TOGARAM2: variants seen among roughly 807,000 people sequenced by gnomAD.
The protein encoded by TOGARAM2 is TOG array regulator of axonemal microtubules 2.
A neutral mutation model predicts 93.3 loss-of-function variants in TOGARAM2; 85 were observed. The ratio of observed to expected loss-of-function variants is 0.91; its 90% CI spans 0.76 to 1.09. The LOEUF (loss-of-function observed/expected upper bound fraction) is 1.09. Ranked by LOEUF, TOGARAM2 falls within the 50% of genes least tolerant of loss-of-function variation. The pLI is 0.00. For synonymous variants in TOGARAM2, 593 were observed against 552.8 expected, an observed-to-expected ratio of 1.07 and a Z score of -1.02; for missense variants, 1,277 against 1,334.5, an observed-to-expected ratio of 0.96 and a Z score of 0.67.
chr2:29,049,677 C>G (rs1369694504), intron 19 of TOGARAM2: 2 of 152,240 alleles, frequency 1.3e-5, no homozygotes, highest in African/African-American at 2.4e-5. Flanking sequence ...ACTCTCAACT[C>G]TTTCCAACCA....
intron 1 of TOGARAM2, among the ~76,000 whole-genome samples, chr2:28,975,874 C>A (rs181684836): frequency 2.1e-3 from 325 of 152,204 alleles, no homozygotes; most frequent in Non-Finnish European, 1.9e-3. Flanking sequence ...CACCCCTATG[C>A]CTTTCCTCAT....
In TOGARAM2 at chr2:29,036,640, A is replaced by C; in HGVS notation, c.2518A>C (p.Ser840Arg). 1 of 1,613,896 alleles carries C rather than the reference A, an allele frequency of 6.2e-7. No individual in the cohort carries two copies. Among genetic ancestry groups the C allele is most frequent in the Non-Finnish European group, 8.5e-7 (1 of 1,179,874 alleles). ...FAKMIPLLRESLHPMLLSIII... is the reference protein window; with the variant it reads ...FAKMIPLLRERLHPMLLSIII... ...CAAGATGATCCCCCTCCTCAGAGAGAGCTTACACCCCATGCTGCTCTCCAT... is the reference window on the plus strand; with the variant it reads ...CAAGATGATCCCCCTCCTCAGAGAGCGCTTACACCCCATGCTGCTCTCCAT... The change falls in exon 18 of 20, where the codon AGC (serine) becomes CGC (arginine). Residue 840 changes from serine (S) to arginine (R), a missense_variant. Transcript: ENST00000379558.
intron 6 of TOGARAM2, among the ~76,000 whole-genome samples, chr2:29,004,479 C>T (rs954524778): frequency 1.3e-5 from 2 of 152,164 alleles, no homozygotes; most frequent in African/African-American, 2.4e-5. Context: ...TGGCATAAAT[C>T]GGGTTATGGC....
At chr2:29,006,658 C>T (rs1470223283) in intron 6 of TOGARAM2, among the ~76,000 whole-genome samples, 1 of 152,120 alleles carries the variant, frequency 6.6e-6, no homozygotes, top group Non-Finnish European at 1.5e-5. Context: ...GGTGCCTTCC[C>T]TCTGTGCACA....
At chr2:28,975,799 T>C (rs528461617) in intron 1 of TOGARAM2, among the ~76,000 whole-genome samples, 3 of 152,210 alleles carry the variant, frequency 2.0e-5, no homozygotes, top group African/African-American at 4.8e-5. Flanking sequence ...CTAGGTGGGA[T>C]TGGATGTTCG....
At chr2:28,988,274 T>C (rs1672556589) in intron 1 of TOGARAM2, among the ~76,000 whole-genome samples, 1 of 152,220 alleles carries the variant, frequency 6.6e-6, no homozygotes, top group Admixed American at 6.5e-5. Flanking sequence ...AGTCAGAATA[T>C]GTCTCCGTGA....
chr2:29,021,993 G>C (rs954136491), intron 10 of TOGARAM2, among the ~76,000 whole-genome samples, 165 bp from the exon 11 acceptor site: 8 of 152,166 alleles, frequency 5.3e-5, no homozygotes, highest in African/African-American at 1.9e-4. Context: ...AGGCCCAGGC[G>C]CTGGGTTCTT....
intron 18 of TOGARAM2, among the ~76,000 whole-genome samples, chr2:29,040,402 C>A (rs183521494): frequency 1.5e-3 from 221 of 152,300 alleles, no homozygotes; most frequent in Admixed American, 3.4e-3. Flanking sequence ...TTCAGAGAAA[C>A]CATTATTAAC....
chr2:29,030,666 G>T (rs780286265), intron 14 of TOGARAM2, among the ~76,000 whole-genome samples: 11 of 152,150 alleles, frequency 7.2e-5, no homozygotes, highest in Non-Finnish European at 1.0e-4. Context: ...GTACTCCGGG[G>T]ATTCTCCTTG....
At chr2:28,956,574 C>T (rs962027323), upstream of TOGARAM2, 6 of 152,274 alleles carry the variant, frequency 3.9e-5, no homozygotes, top group Admixed American at 3.9e-4. The surrounding 1 kb of genome is among the most constrained non-coding windows in gnomAD (Gnocchi z 4.5). Flanking sequence ...GGCTGCGCTT[C>T]GGAGAACCAC....
chr2:29,022,282 ACTCCAGTGCCT>A lies in TOGARAM2; in HGVS notation c.1487_1497del (p.Leu496GlnfsTer4), dbSNP rs1558443476. On this transcript the variant is annotated frameshift_variant, in exon 11 of 20. Coordinates refer to ENST00000379558, the MANE Select transcript of TOGARAM2 (RefSeq NM_199280.4). LOFTEE classifies it high-confidence loss of function. Reference sequence around the variant, plus strand: ...ACCCGGAGCTGGGGCTGAGGGATGCACTCCAGTGCCTCAACAGCAGTGACTGGTGAGGAGAT... The same window carrying A: ...ACCCGGAGCTGGGGCTGAGGGATGCACAACAGCAGTGACTGGTGAGGAGAT... 4 of 1,613,892 alleles carry A rather than the reference ACTCCAGTGCCT, an allele frequency of 2.5e-6. No individual in the cohort carries two copies. In the Admixed American group the frequency reaches 6.7e-5, roughly 27 times the overall value.
chr2:28,959,613 C>T lies in TOGARAM2; in HGVS notation c.-147+2916C>T, dbSNP rs145080411. On this transcript the variant is annotated intron_variant, in intron 1 of 6. Coordinates refer to the TOGARAM2 transcript ENST00000401723. ...CTAAAAATACAAAAAATTAGCCGGG[C>T]GTAGTGGCGGGCGCCTGTAGTCCCA... 1.5e-3 allele frequency among the ~76,000 whole-genome samples: 224 copies of T among 152,062 alleles called. 2 individuals are homozygous for T. Among genetic ancestry groups the T allele is most frequent in the African/African-American group, 4.8e-3 (201 of 41,492 alleles).
chr2:28,989,082 C>T (rs961852506), intron 1 of TOGARAM2, among the ~76,000 whole-genome samples: 1 of 152,214 alleles, frequency 6.6e-6, no homozygotes, highest in African/African-American at 2.4e-5. Flanking sequence ...TGGAGTCTTG[C>T]TCTGTCGCCC....
At chr2:28,957,401 C>G (rs34019733) in intron 1 of TOGARAM2, among the ~76,000 whole-genome samples, 68,338 of 151,896 alleles carry the variant, frequency 0.45, 15,952 homozygotes, top group Middle Eastern at 0.54. Context: ...GGCTAGTCTC[C>G]AACTCCTGAC....
intron 16 of TOGARAM2, among the ~76,000 whole-genome samples, chr2:29,033,831 C>T (rs1665925721): frequency 6.6e-6 from 1 of 152,166 alleles, no homozygotes; most frequent in African/African-American, 2.4e-5. Flanking sequence ...GTTCCACTAG[C>T]ATCGGTGGTT....
Position 29,024,190 on chromosome 2 carries a change from G to C in TOGARAM2, c.1669G>C (p.Asp557His). ...VSHLAISTLGDLFQALKKNMD... is the reference protein window; with the variant it reads ...VSHLAISTLGHLFQALKKNMD... ...TCACCTGGCCATCAGCACCTTGGGAGACCTCTTCCAGGCCTTGAAGAAGAA... is the reference window on the plus strand; with the variant it reads ...TCACCTGGCCATCAGCACCTTGGGACACCTCTTCCAGGCCTTGAAGAAGAA... Residue 557 changes from aspartate (D) to histidine (H), a missense_variant, in exon 13 of 20, where the codon GAC (aspartate) becomes CAC (histidine). By Grantham distance (81) the Asp-to-His change is moderately conservative (BLOSUM62 -1). Coordinates refer to ENST00000379558, the MANE Select transcript of TOGARAM2 (RefSeq NM_199280.4). 3 of 1,602,870 alleles carry C rather than the reference G, an allele frequency of 1.9e-6. No individual in the cohort carries two copies. The highest frequency in any genetic ancestry group is 2.6e-6 in the Non-Finnish European group (3 of 1,174,586).
Position 29,032,942 on chromosome 2 carries a change from G to T in TOGARAM2, c.2021G>T (p.Gly674Val). The T allele has an allele frequency of 6.2e-7, 1 of 1,613,294 alleles. No homozygotes were observed. The highest frequency in any genetic ancestry group is 8.5e-7 in the Non-Finnish European group (1 of 1,179,644). ...QDSNQDTRFY[G>V]RKMVNILMAN... ...TCTCTCTCCTGTGGCAGATTTTATG[G>T]CCGGAAGATGGTGAATATCTTGATG... The change falls in exon 15 of 20, where the codon GGC becomes GTC. Residue 674 changes from glycine to valine, a missense_variant. Coordinates refer to ENST00000379558, the MANE Select transcript of TOGARAM2 (RefSeq NM_199280.4).
intron 1 of TOGARAM2, among the ~76,000 whole-genome samples, chr2:28,962,452 G>T (rs1342014235): frequency 6.6e-6 from 1 of 152,036 alleles, no homozygotes; most frequent in Non-Finnish European, 1.5e-5. Context: ...GGGATTATAG[G>T]CGTGAACCAC....
At chr2:29,024,872 G>A (rs1665243690) in intron 13 of TOGARAM2, among the ~76,000 whole-genome samples, 1 of 152,156 alleles carries the variant, frequency 6.6e-6, no homozygotes, top group Non-Finnish European at 1.5e-5. Context: ...AGAGAAAGTC[G>A]CAAAATTTCA....
Sources: allele counts gnomAD v4.1 joint callset (sites outside exome capture counted in the v4.1 genomes callset), GRCh38; gene constraint gnomAD v4.1.1; non-coding constraint Gnocchi (gnomAD v3.1); transcripts MANE v1.5; gene names NCBI Gene and HGNC (gene_info 2026-07-23, HGNC 2026-07-21).